Variants in EIF4G3 observed in about 807,000 individuals in gnomAD.
EIF4G3 encodes eukaryotic translation initiation factor 4 gamma 3.
A neutral mutation model predicts 186.4 loss-of-function variants in EIF4G3; 34 were observed. The observed-to-expected ratio is 0.18, with a 90% CI of 0.14 to 0.24. The LOEUF is 0.24. Among genes scored for constraint, EIF4G3 ranks in the 10% least tolerant of loss-of-function variants. EIF4G3 has a pLI of 1.00. For missense variants in EIF4G3, 1,536 were observed against 1,948.5 expected (o/e 0.79, Z 3.99); for synonymous variants, 673 against 679.5 (o/e 0.99, Z 0.15).
intron 2 of EIF4G3, among the ~76,000 whole-genome samples, chr1:21,116,510 G>C (rs1157713291): frequency 6.6e-6 from 1 of 151,936 alleles, no homozygotes; most frequent in Non-Finnish European, 1.5e-5. Flanking sequence ...TCGGATATTA[G>C]GATCAACAAA....
intron 2 of EIF4G3, among the ~76,000 whole-genome samples, chr1:21,108,062 C>T (rs776085313): frequency 5.9e-5 from 9 of 152,328 alleles, no homozygotes; most frequent in Non-Finnish European, 1.3e-4. Flanking sequence ...GCGGAAGGAT[C>T]GCTTAAGCCT....
intron 4 of EIF4G3, among the ~76,000 whole-genome samples, chr1:21,047,304 A>C (rs977639856): frequency 3.3e-5 from 5 of 152,182 alleles, no homozygotes; most frequent in Non-Finnish European, 5.9e-5. Context: ...CTCATCAAAT[A>C]ATCACAAAAG....
intron 34 of EIF4G3, 31 bp from the exon 35 acceptor site, chr1:20,813,270 G>T (rs1213263575): frequency 1.9e-6 from 3 of 1,555,166 alleles, no homozygotes; most frequent in African/African-American, 2.7e-5. Flanking sequence ...AACAATTAAA[G>T]ATACCTTGCT....
chr1:21,002,671 C>T (rs754394918), intron 5 of EIF4G3, 42 bp downstream of exon 5: 6 of 1,604,782 alleles, frequency 3.7e-6, no homozygotes, highest in Non-Finnish European at 4.3e-6. Flanking sequence ...CACACAAACA[C>T]AGGTAGAGAA....
chr1:21,138,326 AG>A (rs1300939460), intron 2 of EIF4G3, among the ~76,000 whole-genome samples: 1 of 152,234 alleles, frequency 6.6e-6, no homozygotes, highest in Non-Finnish European at 1.5e-5. Context: ...TTAACTCAAT[AG>A]GTACATGAAT....
At chr1:21,089,703 T>G (rs533876948) in intron 2 of EIF4G3, among the ~76,000 whole-genome samples, 2 of 150,960 alleles carry the variant, frequency 1.3e-5, no homozygotes, top group Non-Finnish European at 2.9e-5. Flanking sequence ...TAGGATCACT[T>G]GAGCACAGGA....
chr1:21,120,333 T>C (rs576768493), intron 2 of EIF4G3, among the ~76,000 whole-genome samples: 4 of 151,918 alleles, frequency 2.6e-5, no homozygotes, highest in African/African-American at 7.2e-5. Context: ...AAACTAACAA[T>C]AGCACTCCAT....
chr1:20,916,340 G>A lies in EIF4G3; in HGVS notation c.1664-11369C>T, dbSNP rs555931864. Reference sequence around the variant, plus strand: ...TGGACACCTGTAGTCCCAGCTACTCGGGAGGCTGAGGCAGGAGAATGGCAT... The same window carrying A: ...TGGACACCTGTAGTCCCAGCTACTCAGGAGGCTGAGGCAGGAGAATGGCAT... On this transcript the variant is annotated intron_variant, in intron 14 of 36. Coordinates refer to ENST00000602326, the MANE Select transcript of EIF4G3 (RefSeq NM_001391906.1). Among the ~76,000 whole-genome samples the A allele has an allele frequency of 5.1e-3, 771 of 151,932 alleles. 10 individuals carry two copies. Among genetic ancestry groups the A allele is most frequent in the Middle Eastern group, 0.017 (5 of 294 alleles).
At chr1:21,134,874 G>GTT (rs34553393) in intron 2 of EIF4G3, among the ~76,000 whole-genome samples, 4 of 149,766 alleles carry the variant, frequency 2.7e-5, no homozygotes, top group African/African-American at 9.8e-5. Flanking sequence ...ACTATGCAGT[G>GTT]TTTTTTTTTT....
At chr1:21,076,652 A>G (rs536079865) in intron 3 of EIF4G3, among the ~76,000 whole-genome samples, 1 of 152,166 alleles carries the variant, frequency 6.6e-6, no homozygotes, top group East Asian at 1.9e-4. Flanking sequence ...TTTATAGCCA[A>G]TTCATTTTTT....
intron 14 of EIF4G3, among the ~76,000 whole-genome samples, chr1:20,906,514 A>C (rs538477309): frequency 2.6e-4 from 40 of 152,194 alleles, no homozygotes; most frequent in Non-Finnish European, 5.0e-4. Flanking sequence ...TTTGGGGCTC[A>C]AATATAAGCT....
chr1:21,093,158 C>A (rs1251198701), intron 2 of EIF4G3, among the ~76,000 whole-genome samples: 2 of 152,152 alleles, frequency 1.3e-5, no homozygotes, highest in African/African-American at 4.8e-5. Flanking sequence ...TCAGAGTGAA[C>A]AGGCAACCTA....
At chr1:20,949,397 T>C (rs765393697) in intron 13 of EIF4G3, among the ~76,000 whole-genome samples, 1 of 152,178 alleles carries the variant, frequency 6.6e-6, no homozygotes, top group Non-Finnish European at 1.5e-5. Context: ...TGACTATAAT[T>C]TACTAAGCAC....
chr1:21,134,271 A>C lies in EIF4G3; in HGVS notation c.-272+41904T>G, dbSNP rs975312684. On this transcript the variant is annotated intron_variant, in intron 2 of 36. Transcript: ENST00000602326. ...AGAAAATATCTTACAGGCTGAAAAA[A>C]TATACACATGTCAAAATTGAGATTT... is the stretch of plus-strand genomic sequence containing the variant. Among the ~76,000 whole-genome samples, 6 of 152,334 alleles carry C rather than the reference A, an allele frequency of 3.9e-5. No homozygotes were observed. In the South Asian group the frequency reaches 1.2e-3, roughly 32 times the overall value.
intron 17 of EIF4G3, 68 bp downstream of exon 17, chr1:20,895,300 T>C (rs1288035305): frequency 3.9e-6 from 6 of 1,529,004 alleles, no homozygotes; most frequent in African/African-American, 2.8e-5. Context: ...ATACTTCACA[T>C]ATTTGCTCTT....
chr1:21,056,288 G>T (rs2094559566), intron 3 of EIF4G3, among the ~76,000 whole-genome samples: 1 of 152,090 alleles, frequency 6.6e-6, no homozygotes, highest in African/African-American at 2.4e-5. Flanking sequence ...AGAAGAACTA[G>T]AATTTCTAAG....
At chr1:20,850,715 C>A (rs1281401211) in intron 28 of EIF4G3, among the ~76,000 whole-genome samples, 1 of 152,030 alleles carries the variant, frequency 6.6e-6, no homozygotes, top group Non-Finnish European at 1.5e-5. Flanking sequence ...ACAACTTATC[C>A]CCATTTAACA....
intron 18 of EIF4G3, chr1:20,892,840 T>G (rs1434646987): frequency 4.3e-6 from 3 of 702,624 alleles, no homozygotes; most frequent in Non-Finnish European, 7.0e-6. Flanking sequence ...TGGCTCGCTC[T>G]GTATATATAT....
In EIF4G3 at chr1:21,017,627, CAAAAAAAAAAAAAA is replaced by C. The variant is rs71014146; in HGVS notation, c.-66-14833_-66-14820del. ...TGGATGACAGAGCAAGACTCCGTCTCAAAAAAAAAAAAAAAAAAAAAAAAAAAGAAGTTTAGTGT... is the reference window on the plus strand; with the variant it reads ...TGGATGACAGAGCAAGACTCCGTCTCAAAAAAAAAAAAAGAAGTTTAGTGT... On this transcript the variant is annotated intron_variant, in intron 4 of 36. Coordinates refer to ENST00000602326, the MANE Select transcript of EIF4G3 (RefSeq NM_001391906.1). Among the ~76,000 whole-genome samples the C allele has an allele frequency of 3.7e-4, 18 of 49,234 alleles. No individual in the cohort carries two copies. In the South Asian group the frequency reaches 0.01, roughly 28 times the overall value. 32.3% of individuals were successfully genotyped at this position (49,234 alleles called of 152,430 possible).
Sources: allele counts gnomAD v4.1 joint callset (sites outside exome capture counted in the v4.1 genomes callset), GRCh38; gene constraint gnomAD v4.1.1; transcripts MANE v1.5; gene names NCBI Gene and HGNC (gene_info 2026-07-23, HGNC 2026-07-21).